The following ARSF variants were observed in gnomAD, a reference collection of about 807,000 sequenced individuals.
ARSF encodes arylsulfatase F.
In ARSF, 33 loss-of-function variants were observed where a neutral mutation model predicts 35.4. That is an observed-to-expected ratio of 0.93 (90% CI 0.71 to 1.25). The LOEUF is 1.25. Ranked by LOEUF, ARSF falls within the 50% of genes most tolerant of loss-of-function variation. ARSF has a pLI of 0.00. For synonymous variants in ARSF, 222 were observed against 193.1 expected, an observed-to-expected ratio of 1.15 and a Z score of -1.24; for missense variants, 501 against 480.2, an observed-to-expected ratio of 1.04 and a Z score of -0.40.
At chrX:3,108,121 C>T (rs1417572455) in intron 9 of ARSF, among the ~76,000 whole-genome samples, 4 of 111,841 alleles carry the variant, frequency 3.6e-5, no homozygotes, top group South Asian at 3.7e-4. Flanking sequence ...AAGCAGTATA[C>T]GTGTTGGTCA....
intron 1 of ARSF, among the ~76,000 whole-genome samples, chrX:3,057,129 A>G (rs2090021768): frequency 8.9e-6 from 1 of 112,285 alleles, no homozygotes; most frequent in Non-Finnish European, 1.9e-5. Context: ...ACACCCTAGC[A>G]GGTTGCTTAT....
At chrX:3,067,990 G>A (rs1162369588) in intron 1 of ARSF, 83 bp from the exon 2 acceptor site, 2 of 689,250 alleles carry the variant, frequency 2.9e-6, no homozygotes, top group Non-Finnish European at 4.2e-6. Flanking sequence ...TTTCATGCTG[G>A]GAACTAATTT....
At chrX:3,063,316 G>A (rs2090049883) in intron 1 of ARSF, among the ~76,000 whole-genome samples, 2 of 111,300 alleles carry the variant, frequency 1.8e-5, no homozygotes, top group Non-Finnish European at 3.8e-5. Flanking sequence ...AAAATAATAA[G>A]AGCTATTTAT....
intron 1 of ARSF, among the ~76,000 whole-genome samples, chrX:3,056,119 G>A (rs996104119): frequency 9.1e-6 from 1 of 109,905 alleles, no homozygotes; most frequent in African/African-American, 3.3e-5. Context: ...ACCGTGCCTG[G>A]ATAATTTTTG....
intron 1 of ARSF, among the ~76,000 whole-genome samples, chrX:3,061,731 C>CAGAAGGTA (rs2090042793): frequency 9.0e-6 from 1 of 111,687 alleles, no homozygotes; most frequent in Admixed American, 9.6e-5. Context: ...GTAAAGGGAT[C>CAGAAGGTA]AATTCAACAA....
chrX:3,090,726 A>G (rs902918250), intron 7 of ARSF, among the ~76,000 whole-genome samples: 2 of 111,940 alleles, frequency 1.8e-5, no homozygotes, highest in Admixed American at 9.5e-5. Flanking sequence ...TTTGCATAGG[A>G]TAATGTCCAC....
chrX:3,088,941 G>A (rs1042452217), intron 6 of ARSF, among the ~76,000 whole-genome samples: 5 of 110,991 alleles, frequency 4.5e-5, no homozygotes, highest in African/African-American at 1.6e-4. Flanking sequence ...GATGGGTTGG[G>A]GTAAGAGGGA....
At chrX:3,085,605 T>C (rs1962914388) in intron 6 of ARSF, among the ~76,000 whole-genome samples, 2 of 111,003 alleles carry the variant, frequency 1.8e-5, no homozygotes, top group Admixed American at 2.0e-4. Flanking sequence ...TCTATCCTCT[T>C]GTTGTTGGAC....
At position 3,090,676 on chromosome X, in the gene ARSF, G is replaced by C. The variant is rs145767114; in HGVS notation, c.967+1044G>C. On this transcript the variant is annotated intron_variant, in intron 7 of 10. Transcript: ENST00000381127. ...GGGTGACAGTAGCTCCCACTTATAA[G>C]TGAGAACATGCAGTATTTGGTTTTC... 6.6e-3 allele frequency among the ~76,000 whole-genome samples: 745 copies of C among 112,412 alleles called. 3 individuals carry two copies. Among genetic ancestry groups the C allele is most frequent in the African/African-American group, 0.023 (711 of 30,967 alleles).
At chrX:3,099,348 T>C (rs913396476) in intron 7 of ARSF, among the ~76,000 whole-genome samples, 1 of 111,610 alleles carries the variant, frequency 9.0e-6, no homozygotes, top group South Asian at 3.8e-4. Flanking sequence ...AACCCCTACT[T>C]CCTCTACCCT....
intron 1 of ARSF, among the ~76,000 whole-genome samples, chrX:3,042,600 G>A (rs2089959971): frequency 9.1e-6 from 1 of 110,118 alleles, no homozygotes; most frequent in Non-Finnish European, 1.9e-5. Flanking sequence ...AGGTTCAAGC[G>A]ATTCTCCTGC....
At chrX:3,093,803 G>C (rs929279932) in intron 7 of ARSF, among the ~76,000 whole-genome samples, 1 of 111,832 alleles carries the variant, frequency 8.9e-6, no homozygotes, top group Non-Finnish European at 1.9e-5. Context: ...AGTTATCTGA[G>C]AAATCTCCAA....
Position 3,073,716 on chromosome X carries a change from T to G in ARSF, c.161+1541T>G, listed in dbSNP as rs1172433423. Among the ~76,000 whole-genome samples, 7 of 98,103 alleles carry G rather than the reference T, an allele frequency of 7.1e-5. No homozygotes were observed. In the East Asian group the frequency reaches 2.0e-3, roughly 28 times the overall value. The allele number at this position is 98,103 out of a possible 115,157, so 85.2% of individuals were successfully genotyped here. ...ATTATAAATATAGATTTATAATATA[T>G]AAATATATATTAATAAATATGTATG... On this transcript the variant is annotated intron_variant, in intron 3 of 10. Transcript: ENST00000381127.
chrX:3,051,174 C>T (rs1185322576), intron 1 of ARSF, among the ~76,000 whole-genome samples: 1 of 111,554 alleles, frequency 9.0e-6, no homozygotes. Flanking sequence ...ATGCATCTAT[C>T]TATGACCTGC....
chrX:3,084,583 G>A lies in ARSF; in HGVS notation c.747G>A (p.Arg249=), dbSNP rs990772403. The A allele has an allele frequency of 2.5e-6, 3 of 1,211,122 alleles. No individual in the cohort carries two copies. Among genetic ancestry groups the A allele is most frequent in the Middle Eastern group, 2.3e-4 (1 of 4,345 alleles). ...TATACTGGGACTGCCTCCTCATGCG[G>A]GGGCACGAGATCACGGAGCAGCCCA... ...SPLYWDCLLM[R]GHEITEQPMK... The change falls in exon 6 of 11, where the codon CGG becomes CGA. Residue 249 remains arginine (R), a synonymous_variant. Transcript: ENST00000381127.
chrX:3,110,414 A>C (rs1049239536), intron 10 of ARSF, among the ~76,000 whole-genome samples, 162 bp downstream of exon 10: 1 of 112,152 alleles, frequency 8.9e-6, no homozygotes, highest in Non-Finnish European at 1.9e-5. Context: ...CTTCTGCAGA[A>C]AGGCAGGTGG....
rs1415199862 is a variant in ARSF at position 3,112,154 on chromosome X, GTC to G, written c.1391-14_1391-13del. 2.6e-6 allele frequency: 3 copies of G among 1,175,384 alleles called. No homozygotes were observed. The highest frequency in any genetic ancestry group is 3.4e-6 in the Non-Finnish European group (3 of 870,915). On this transcript the variant is annotated intron_variant, in intron 10 of 10. Coordinates refer to ENST00000381127, the MANE Select transcript of ARSF (RefSeq NM_001201539.2). Reference sequence around the variant, plus strand: ...GGCTGAAGTGCGCATCATTTGACGAGTCTCTCTTTTCTCCTCCAGGTGGGTCA... The same window carrying G: ...GGCTGAAGTGCGCATCATTTGACGAGTCTCTTTTCTCCTCCAGGTGGGTCA...
chrX:3,055,297 G>A (rs896476665), intron 1 of ARSF, among the ~76,000 whole-genome samples: 2 of 95,382 alleles, frequency 2.1e-5, no homozygotes, highest in East Asian at 3.4e-4. Flanking sequence ...AGCCCAGATC[G>A]CGCCACTGCA....
intron 1 of ARSF, among the ~76,000 whole-genome samples, chrX:3,045,747 G>A (rs1163218469): frequency 8.2e-5 from 9 of 109,352 alleles, no homozygotes; most frequent in African/African-American, 2.3e-4. Context: ...TACAGATGGG[G>A]TTTCTCCATG....
Sources: allele counts gnomAD v4.1 joint callset (sites outside exome capture counted in the v4.1 genomes callset), GRCh38; gene constraint gnomAD v4.1.1; transcripts MANE v1.5; gene names NCBI Gene and HGNC (gene_info 2026-07-23, HGNC 2026-07-21).